Variants in ITGB4 observed in about 807,000 individuals in gnomAD.
ITGB4 encodes integrin beta-4.
A neutral mutation model predicts 207.6 loss-of-function variants in ITGB4; 159 were observed. The observed-to-expected ratio is 0.77, with a 90% CI of 0.67 to 0.87. The LOEUF is 0.87. Ranked by LOEUF, ITGB4 falls within the 40% of genes least tolerant of loss-of-function variation. The pLI, the probability that ITGB4 is intolerant of heterozygous loss-of-function variation, is 0.00. For synonymous variants in ITGB4, 1,020 were observed against 1,062.7 expected (o/e 0.96, Z 0.78); for missense variants, 2,278 against 2,546.8 (o/e 0.89, Z 2.27).
intron 33 of ITGB4, among the ~76,000 whole-genome samples, chr17:75,754,309 G>A (rs1356082596): frequency 6.6e-6 from 1 of 152,142 alleles, no homozygotes; most frequent in Non-Finnish European, 1.5e-5. Context: ...GACTGCAGAC[G>A]CAGCAAACCC....
intron 16 of ITGB4, among the ~76,000 whole-genome samples, chr17:75,737,020 ACGCAGCCTCCCCTCCT>A (rs1453890314): frequency 6.6e-6 from 1 of 152,178 alleles, no homozygotes; most frequent in Admixed American, 6.5e-5. Flanking sequence ...CTGTGGAGAC[ACGCAGCCTCCCCTCCT>A]CGAGATCAGA....
chr17:75,753,034 C>T (rs762169492), intron 32 of ITGB4, among the ~76,000 whole-genome samples: 30 of 152,240 alleles, frequency 2.0e-4, no homozygotes, highest in Non-Finnish European at 3.8e-4. Flanking sequence ...GCTGGGCCTC[C>T]TGAGTGCTCA....
rs916035699 is a variant in ITGB4, at chr17:75,729,585, G to A, written c.738+149G>A. ...CTGCAACCCCTTCACCCTGAGACAA[G>A]CTCAGACTCTGTGAGTAGGTCTCAG... On this transcript the variant is annotated intron_variant, in intron 7 of 39. Transcript: ENST00000200181. The surrounding 1 kb of genome is among the most constrained non-coding windows in gnomAD (Gnocchi z 4.4). The A allele has an allele frequency of 2.5e-6, 2 of 791,080 alleles. No homozygotes were observed. Among genetic ancestry groups the A allele is most frequent in the African/African-American group, 3.5e-5 (2 of 57,168 alleles). The allele number at this position is 791,080 out of a possible 1,614,324, so 49.0% of individuals were successfully genotyped here.
chr17:75,753,645 C>T lies in ITGB4; in HGVS notation c.4109-120C>T, dbSNP rs572047233. Reference sequence around the variant, plus strand: ...ATCTACCCCCGCCCCCAACACACACCCCGGGATCCCGGGAGCTGGAGACGG... The same window carrying T: ...ATCTACCCCCGCCCCCAACACACACTCCGGGATCCCGGGAGCTGGAGACGG... On this transcript the variant is annotated intron_variant, in intron 32 of 39. Coordinates refer to ENST00000200181, the MANE Select transcript of ITGB4 (RefSeq NM_000213.5). 59 of 624,690 alleles carry T rather than the reference C, an allele frequency of 9.4e-5. 1 individual carries two copies. In the South Asian group the frequency reaches 3.9e-3, roughly 41 times the overall value. 38.7% of individuals were successfully genotyped at this position (624,690 alleles called of 1,614,324 possible).
At chr17:75,754,952 ACGTG>A in intron 34 of ITGB4, 137 bp downstream of exon 34, 1 of 1,372,336 alleles carries the variant, frequency 7.3e-7, no homozygotes. Context: ...GCACGCACAC[ACGTG>A]CACACGCATG....
chr17:75,752,228 T>C lies in ITGB4; in HGVS notation c.3848T>C (p.Leu1283Pro), dbSNP rs1293302975. The part of the protein sequence containing the change: ...VLVDNPKNRM[L>P]LIENLRESQP... The stretch of plus-strand genomic sequence containing the variant: ...GTTGACAACCCTAAGAACCGGATGC[T>C]GCTTATTGAGAACCTTCGGGAGTCC... The change falls in exon 31 of 40, where the codon CTG becomes CCG. Residue 1283 changes from leucine (L) to proline (P), a missense_variant. Leu to Pro is a moderately conservative substitution (Grantham distance 98, BLOSUM62 -3). Coordinates refer to ENST00000200181, the MANE Select transcript of ITGB4 (RefSeq NM_000213.5). 1 of 1,613,766 alleles carries C rather than the reference T, an allele frequency of 6.2e-7. No individual in the cohort carries two copies. Among genetic ancestry groups the C allele is most frequent in the Non-Finnish European group, 8.5e-7 (1 of 1,180,034 alleles).
At position 75,722,882 on chromosome 17, in the gene ITGB4, G is replaced by A. The variant is rs937145586; in HGVS notation, c.-11+1270G>A. Among the ~76,000 whole-genome samples, 6 of 151,944 alleles carry A rather than the reference G, an allele frequency of 3.9e-5. No homozygotes were observed. Among genetic ancestry groups the A allele is most frequent in the African/African-American group, 4.8e-5 (2 of 41,354 alleles). On this transcript the variant is annotated intron_variant, in intron 1 of 39. Transcript: ENST00000200181. The surrounding 1 kb of genome is among the most constrained non-coding windows in gnomAD (Gnocchi z 6.2). The stretch of plus-strand genomic sequence containing the variant: ...CAGGGACCTGCTGGTACATAAAGTC[G>A]GGGCAGCCTGGTGGGGTCCGGGCCG...
intron 5 of ITGB4, among the ~76,000 whole-genome samples, 153 bp from the exon 6 acceptor site, chr17:75,728,224 G>A (rs1186012902): frequency 2.6e-5 from 4 of 152,198 alleles, no homozygotes; most frequent in Non-Finnish European, 2.9e-5. Context: ...TCCATAAATA[G>A]GAACAGACAA....
In ITGB4 at chr17:75,742,039, C is replaced by T. The variant is rs989876434; in HGVS notation, c.2634-302C>T. 3.9e-5 allele frequency among the ~76,000 whole-genome samples: 6 copies of T among 152,232 alleles called. No homozygotes were observed. The highest frequency in any genetic ancestry group is 1.4e-4 in the African/African-American group (6 of 41,462). Reference sequence around the variant, plus strand: ...ACTAGAACCAGGGCTAGGGCCGCGGCAGCCTGGCCTGAGCACACACACCCT... The same window carrying T: ...ACTAGAACCAGGGCTAGGGCCGCGGTAGCCTGGCCTGAGCACACACACCCT... On this transcript the variant is annotated intron_variant, in intron 23 of 39. Coordinates refer to ENST00000200181, the MANE Select transcript of ITGB4 (RefSeq NM_000213.5). The surrounding 1 kb of genome is among the most constrained non-coding windows in gnomAD (Gnocchi z 5.9).
intron 23 of ITGB4, 167 bp downstream of exon 23, chr17:75,741,172 C>T: frequency 2.5e-6 from 2 of 804,510 alleles, no homozygotes; most frequent in Non-Finnish European, 4.1e-6. Flanking sequence ...ATTTCTTCAA[C>T]AAATGCTAAT....
rs1014724489 is a variant in ITGB4, at chr17:75,731,495, C to T, written c.1215+127C>T. 2.0e-6 allele frequency: 2 copies of T among 1,011,964 alleles called. No homozygotes were observed. The highest frequency in any genetic ancestry group is 3.2e-5 in the African/African-American group (2 of 62,626). The allele number at this position is 1,011,964 out of a possible 1,614,324, so 62.7% of individuals were successfully genotyped here. On this transcript the variant is annotated intron_variant, in intron 10 of 39. Transcript: ENST00000200181. This position sits in a 1 kb window ranked among gnomAD's most constrained non-coding sequence, Gnocchi z 6.8. ...GCAGGCCTGGGTGCAGATCCCTGGGCCTAGCCGCTCGGATGAGCCTAGGTT... is the reference window on the plus strand; with the variant it reads ...GCAGGCCTGGGTGCAGATCCCTGGGTCTAGCCGCTCGGATGAGCCTAGGTT...
chr17:75,751,241 C>G, intron 30 of ITGB4, 130 bp downstream of exon 30: 1 of 1,115,386 alleles, frequency 9.0e-7, no homozygotes, highest in East Asian at 2.5e-5. Flanking sequence ...TCATCCTGGT[C>G]AGCGGATAAG....
chr17:75,727,597 C>T lies in ITGB4; in HGVS notation c.265-54C>T. ...GTGCCCCTTGGCCGGGCTGGGCCCCCATCGGGCCTCCGGAGTGACCCTCTA... is the reference window on the plus strand; with the variant it reads ...GTGCCCCTTGGCCGGGCTGGGCCCCTATCGGGCCTCCGGAGTGACCCTCTA... On this transcript the variant is annotated intron_variant, in intron 4 of 39. Coordinates refer to ENST00000200181, the MANE Select transcript of ITGB4 (RefSeq NM_000213.5). The surrounding 1 kb of genome is among the most constrained non-coding windows in gnomAD (Gnocchi z 6.0). The T allele has an allele frequency of 6.3e-7, 1 of 1,579,898 alleles. No homozygotes were observed. The highest frequency in any genetic ancestry group is 8.6e-7 in the Non-Finnish European group (1 of 1,162,670).
At position 75,742,808 on chromosome 17, in the gene ITGB4, G is replaced by T. The variant is rs1293036716; in HGVS notation, c.2962+47G>T. Reference sequence around the variant, plus strand: ...GGGGAAGGCAGACGGGGGCTCGGGGGCACTGGTTCCTCCTGCTTAAGTGGA... The same window carrying T: ...GGGGAAGGCAGACGGGGGCTCGGGGTCACTGGTTCCTCCTGCTTAAGTGGA... On this transcript the variant is annotated intron_variant, in intron 25 of 39. Transcript: ENST00000200181. This position sits in a 1 kb window ranked among gnomAD's most constrained non-coding sequence, Gnocchi z 5.9. 1 of 1,555,202 alleles carries T rather than the reference G, an allele frequency of 6.4e-7. No homozygotes were observed. The highest frequency in any genetic ancestry group is 1.8e-5 in the Admixed American group (1 of 56,080).
rs769831201 is a variant in ITGB4, at chr17:75,730,268, A to G, written c.766A>G (p.Thr256Ala). ...TRDIGWRPDS[T>A]HLLVFSTESA... ...GGACATTGGCTGGCGCCCGGACAGC[A>G]CCCACCTGCTGGTCTTCTCCACCGA... Residue 256 changes from threonine to alanine, a missense_variant, in exon 8 of 40, where the codon ACC becomes GCC. Thr to Ala is a moderately conservative substitution (Grantham distance 58, BLOSUM62 0). Coordinates refer to ENST00000200181, the MANE Select transcript of ITGB4 (RefSeq NM_000213.5). 6.2e-7 allele frequency: 1 copy of G among 1,612,984 alleles called. No individual in the cohort carries two copies. Among genetic ancestry groups the G allele is most frequent in the Non-Finnish European group, 8.5e-7 (1 of 1,179,946 alleles).
Position 75,750,339 on chromosome 17 carries a change from G to T in ITGB4, c.3474+71G>T. The stretch of plus-strand genomic sequence containing the variant: ...GCACCAGCACTCACAGAAGAGGTGG[G>T]CCGTCCAAGGCCAGGGCCCCCTGAG... On this transcript the variant is annotated intron_variant, in intron 28 of 39. Coordinates refer to ENST00000200181, the MANE Select transcript of ITGB4 (RefSeq NM_000213.5). The surrounding 1 kb of genome is among the most constrained non-coding windows in gnomAD (Gnocchi z 5.5). The T allele has an allele frequency of 1.3e-6, 2 of 1,490,000 alleles. No homozygotes were observed. The highest frequency in any genetic ancestry group is 9.1e-7 in the Non-Finnish European group (1 of 1,100,914). The allele number at this position is 1,490,000 out of a possible 1,614,324, so 92.3% of individuals were successfully genotyped here. A position where few individuals can be genotyped will look rare whatever the true frequency, so the allele number is the denominator to read the frequency against.
At chr17:75,741,149 C>G (rs1484661166) in intron 23 of ITGB4, 144 bp downstream of exon 23, 1 of 917,294 alleles carries the variant, frequency 1.1e-6, no homozygotes, top group Admixed American at 2.0e-5. Context: ...GACCTTCATT[C>G]GTTCCTTTGA....
At chr17:75,730,830 A>T in intron 8 of ITGB4, 45 bp from the exon 9 acceptor site, 1 of 1,492,596 alleles carries the variant, frequency 6.7e-7, no homozygotes, top group Non-Finnish European at 9.3e-7. Context: ...AGCTGTTCAG[A>T]TTCATGGAGA....
In ITGB4 at chr17:75,757,708, G is replaced by A. The variant is rs569697353; in HGVS notation, c.*153G>A. On this transcript the variant is annotated 3_prime_UTR_variant, in exon 40 of 40. Coordinates refer to ENST00000200181, the MANE Select transcript of ITGB4 (RefSeq NM_000213.5). ...TAGGTGTCTCCTGGGAGGCATGAAG[G>A]GGGCAAGGTCCGTCCTCTGTGGGCC... The A allele has an allele frequency of 9.3e-7, 1 of 1,079,224 alleles. No homozygotes were observed. Among genetic ancestry groups the A allele is most frequent in the Non-Finnish European group, 1.4e-6 (1 of 722,450 alleles). 66.9% of individuals were successfully genotyped at this position (1,079,224 alleles called of 1,614,324 possible).
Sources: gnomAD v4.1 joint callset for allele counts (sites outside exome capture counted in the v4.1 genomes callset) on GRCh38, gnomAD v4.1.1 for gene constraint, Gnocchi (gnomAD v3.1) non-coding constraint, MANE v1.5 for transcripts, NCBI Gene and HGNC (gene_info 2026-07-23, HGNC 2026-07-21) for gene names.